COL18A1: variants seen among roughly 807,000 people sequenced by gnomAD.
The protein encoded by COL18A1 is collagen alpha-1(XVIII) chain.
Under a neutral mutation model 168.0 loss-of-function variants are expected in COL18A1, and 133 were observed. The ratio of observed to expected loss-of-function variants is 0.79; its 90% CI spans 0.69 to 0.91. The LOEUF (loss-of-function observed/expected upper bound fraction) is 0.91. Ranked by LOEUF, COL18A1 falls within the 40% of genes least tolerant of loss-of-function variation. The pLI, the probability that COL18A1 is intolerant of heterozygous loss-of-function variation, is 0.00. For synonymous variants in COL18A1, 949 were observed against 809.0 expected, an observed-to-expected ratio of 1.17 and a Z score of -2.94; for missense variants, 2,126 against 1,925.4, an observed-to-expected ratio of 1.10 and a Z score of -1.95.
rs769737149 is a variant in COL18A1 at position 45,496,560 on chromosome 21, G to A, written c.2569G>A (p.Asp857Asn). 37 of 1,482,776 alleles carry A rather than the reference G, an allele frequency of 2.5e-5. No homozygotes were observed. Among genetic ancestry groups the A allele is most frequent in the East Asian group, 2.3e-5 (1 of 44,324 alleles). 91.9% of individuals were successfully genotyped at this position (1,482,776 alleles called of 1,614,324 possible). The change falls in exon 30 of 42, where the codon GAC becomes AAC. Residue 857 changes from aspartate to asparagine, a missense_variant. Asp to Asn is a conservative substitution (Grantham distance 23). Transcript: ENST00000651438. ...AGGCCCTCCAGGGACTCCTGTTTAC[G>A]ACAGCAATGTAAGTCCCCAGGGCAC... ...PPGPPGTPVY[D>N]SNVFAESSRP...
In COL18A1 at chr21:45,508,662, C is replaced by G. The variant is rs181260087; in HGVS notation, c.3250-694C>G. On this transcript the variant is annotated intron_variant, in intron 38 of 41. Transcript: ENST00000651438. ...GCCTGATGTGGAGCAGTGTCAGGGG[C>G]TCCACAGCGGCCTGTCTCCTCACAG... Among the ~76,000 whole-genome samples the G allele has an allele frequency of 1.4e-3, 211 of 152,326 alleles. 3 individuals are homozygous for G. Among genetic ancestry groups the G allele is most frequent in the Non-Finnish European group, 2.1e-4 (14 of 68,018 alleles).
chr21:45,405,775 G>A (rs1355595398), intron 2 of COL18A1, among the ~76,000 whole-genome samples: 1 of 151,240 alleles, frequency 6.6e-6, no homozygotes, highest in Non-Finnish European at 1.5e-5. Context: ...GAGGGCTCGG[G>A]GCGGGGCCGC....
At chr21:45,421,585 C>A (rs1254577454) in intron 2 of COL18A1, 1 of 534,438 alleles carries the variant, frequency 1.9e-6, no homozygotes, top group Non-Finnish European at 3.8e-6. Context: ...TCTTAAATTG[C>A]TCACTCCTGC....
At chr21:45,437,657 C>G (rs1455866364) in intron 2 of COL18A1, among the ~76,000 whole-genome samples, 1 of 71,936 alleles carries the variant, frequency 1.4e-5, no homozygotes. Flanking sequence ...CTCCTGCACA[C>G]ACACACACTC....
At chr21:45,494,213 C>T in intron 26 of COL18A1, 1 of 517,246 alleles carries the variant, frequency 1.9e-6, no homozygotes, top group Non-Finnish European at 3.5e-6. Context: ...GGAGCTGGGG[C>T]CTGTGGCAAC....
intron 2 of COL18A1, chr21:45,455,647 C>T (rs1209467704): frequency 6.2e-6 from 10 of 1,613,992 alleles, no homozygotes; most frequent in Non-Finnish European, 8.5e-6. Context: ...AGGACACCAG[C>T]CATGCAGCTA....
At chr21:45,492,659 C>T in intron 23 of COL18A1, 28 bp from the exon 24 acceptor site, 1 of 1,611,606 alleles carries the variant, frequency 6.2e-7, no homozygotes, top group Non-Finnish European at 8.5e-7. Context: ...CGTGATGACC[C>T]CAGCTGACGC....
intron 2 of COL18A1, among the ~76,000 whole-genome samples, chr21:45,428,441 T>A (rs1035512699): frequency 6.6e-6 from 1 of 152,242 alleles, no homozygotes; most frequent in Admixed American, 6.5e-5. Flanking sequence ...TTTGAAGGAC[T>A]GGAAACGATT....
Position 45,468,707 on chromosome 21 carries a change from C to G in COL18A1, c.572C>G (p.Ser191Cys). The G allele has an allele frequency of 6.2e-7, 1 of 1,612,994 alleles. No homozygotes were observed. Among genetic ancestry groups the G allele is most frequent in the Non-Finnish European group, 8.5e-7 (1 of 1,179,962 alleles). ...EEFQRMPLAR[S>C]SRGLELEPGA... is the part of the protein sequence containing the mutation. ...TTCCAGAGAATGCCGCTTGCTCGGT[C>G]CTCACGGGGCCTGGAGCTGGAGCCT... The change falls in exon 3 of 42, where the codon TCC (serine) becomes TGC (cysteine). Residue 191 changes from serine to cysteine, a missense_variant. Physicochemically the swap from Ser to Cys is moderately radical, Grantham distance 112. Transcript: ENST00000651438.
At chr21:45,495,039 C>A in intron 28 of COL18A1, 124 bp downstream of exon 28, 2 of 856,464 alleles carry the variant, frequency 2.3e-6, no homozygotes, top group Non-Finnish European at 3.7e-6. Flanking sequence ...TGTCCTCCCC[C>A]AAGAACCGGC....
chr21:45,441,391 GT>G (rs1432487427), intron 2 of COL18A1, among the ~76,000 whole-genome samples: 2 of 152,174 alleles, frequency 1.3e-5, no homozygotes, highest in African/African-American at 4.8e-5. Flanking sequence ...CCCAGGTAGA[GT>G]TTTCCTGTGT....
intron 2 of COL18A1, among the ~76,000 whole-genome samples, chr21:45,413,359 A>C (rs2033353539): frequency 6.6e-6 from 1 of 152,258 alleles, no homozygotes; most frequent in Non-Finnish European, 1.5e-5. Context: ...GCACCATGAC[A>C]GGCTTCAACG....
chr21:45,444,017 A>G (rs1211615702), intron 2 of COL18A1, among the ~76,000 whole-genome samples: 1 of 152,180 alleles, frequency 6.6e-6, no homozygotes. Flanking sequence ...CCACGCAAGA[A>G]TTCAGTGTCC....
rs1178224420 is a variant in COL18A1 at position 45,486,725 on chromosome 21, C to T, written c.1702-136C>T. On this transcript the variant is annotated intron_variant, in intron 15 of 41. Coordinates refer to ENST00000651438, the MANE Select transcript of COL18A1 (RefSeq NM_001379500.1). ...AGAAGAAAGGCTGCTGTGGGGCCTG[C>T]GTTGCTTGGCAGAATGTTCCTTACC... The T allele has an allele frequency of 7.5e-6, 7 of 932,696 alleles. No homozygotes were observed. The East Asian group carries it at 1.1e-4, about 15-fold the overall frequency. 57.8% of individuals were successfully genotyped at this position (932,696 alleles called of 1,614,324 possible).
intron 16 of COL18A1, 102 bp downstream of exon 16, chr21:45,487,094 G>A (rs1351056636): frequency 2.9e-5 from 35 of 1,191,124 alleles, no homozygotes; most frequent in Middle Eastern, 2.9e-4. Context: ...CGTCCTGGGC[G>A]GTGGCCTTGC....
In COL18A1 at chr21:45,494,882, G is replaced by C. The variant is rs767984590; in HGVS notation, c.2400G>C (p.Gly800=). Residue 800 remains glycine, a synonymous_variant, in exon 28 of 42, where the codon GGG becomes GGC. Coordinates refer to ENST00000651438, the MANE Select transcript of COL18A1 (RefSeq NM_001379500.1). ...RGPPGPYGRP[G]YKGEIGFPGR... ...TGCAGGGTCCATACGGACGGCCGGG[G>C]TACAAGGGAGAGATTGGCTTTCCTG... 51 of 1,610,660 alleles carry C rather than the reference G, an allele frequency of 3.2e-5. No homozygotes were observed. Among genetic ancestry groups the C allele is most frequent in the Non-Finnish European group, 4.0e-5 (47 of 1,179,022 alleles).
At chr21:45,427,405 C>A (rs2033835531) in intron 2 of COL18A1, among the ~76,000 whole-genome samples, 1 of 152,208 alleles carries the variant, frequency 6.6e-6, no homozygotes, top group Admixed American at 6.5e-5. Context: ...AGGCTTCTGG[C>A]TCCCCTGGCC....
chr21:45,487,635 C>T, intron 17 of COL18A1, 126 bp downstream of exon 17: 1 of 1,246,998 alleles, frequency 8.0e-7, no homozygotes, highest in Non-Finnish European at 1.2e-6. Flanking sequence ...GCCGTGAGGA[C>T]CACGTGTGGC....
intron 2 of COL18A1, among the ~76,000 whole-genome samples, chr21:45,418,287 G>A (rs948029155): frequency 6.6e-6 from 1 of 152,212 alleles, no homozygotes; most frequent in Non-Finnish European, 1.5e-5. Context: ...CGAAGTGGTA[G>A]GGTGGGCGTG....
Sources: allele counts gnomAD v4.1 joint callset (sites outside exome capture counted in the v4.1 genomes callset), GRCh38; gene constraint gnomAD v4.1.1; transcripts MANE v1.5; gene names NCBI Gene and HGNC (gene_info 2026-07-23, HGNC 2026-07-21).